The following SLC36A1 variants were observed in gnomAD, a reference collection of about 807,000 sequenced individuals.
SLC36A1 encodes the protein solute carrier family 36 member 1, also known as proton-coupled amino acid transporter 1.
Under a neutral mutation model 47.5 loss-of-function variants are expected in SLC36A1, and 30 were observed. The ratio of observed to expected loss-of-function variants is 0.63; its 90% CI spans 0.47 to 0.86. The LOEUF is 0.86. SLC36A1 is among the 40% of genes least tolerant of loss of function. The pLI, the probability that SLC36A1 is intolerant of heterozygous loss-of-function variation, is 0.00. For synonymous variants in SLC36A1, 255 were observed against 249.7 expected (o/e 1.02, Z -0.20); for missense variants, 517 against 606.0 (o/e 0.85, Z 1.54).
At chr5:151,361,046 G>C in the SLC36A1 span, among the ~76,000 whole-genome samples, 1 of 152,166 alleles carries the variant, frequency 6.6e-6, no homozygotes, top group Non-Finnish European at 1.5e-5. Context: ...GTAATGTTAT[G>C]TACAACATCT....
At chr5:151,387,229 C>T in the SLC36A1 span, 18 of 152,378 alleles carry the variant, frequency 1.2e-4, no homozygotes, top group African/African-American at 4.3e-4. Context: ...CAGACTGGTA[C>T]AACCTGTGCA....
chr5:151,522,270 A>G, the SLC36A1 span: 1 of 555,038 alleles, frequency 1.8e-6, no homozygotes, highest in South Asian at 2.8e-5. Context: ...GAAAAGAAAG[A>G]TTTTCTGAAG....
At chr5:151,427,273 A>G in the SLC36A1 span, among the ~76,000 whole-genome samples, 1 of 152,208 alleles carries the variant, frequency 6.6e-6, no homozygotes, top group Non-Finnish European at 1.5e-5. Context: ...TTATATATAC[A>G]TGAGGGCTTG....
the SLC36A1 span, among the ~76,000 whole-genome samples, chr5:151,414,292 T>C: frequency 7.2e-6 from 1 of 139,166 alleles, no homozygotes; most frequent in Non-Finnish European, 1.5e-5. Context: ...GGGAGCATGT[T>C]ACCTATAGGA....
intron 10 of SLC36A1, chr5:151,479,761 A>G (rs376806269): frequency 3.8e-6 from 2 of 532,898 alleles, no homozygotes; most frequent in South Asian, 3.1e-5. Context: ...ATTCAGAGTA[A>G]AGACATGCGA....
the SLC36A1 span, chr5:151,543,579 T>C: frequency 4.3e-6 from 7 of 1,614,114 alleles, no homozygotes; most frequent in Admixed American, 1.7e-5. Context: ...TAGTATAATC[T>C]ATAGTGCCAT....
chr5:151,385,551 T>TA, the SLC36A1 span, among the ~76,000 whole-genome samples: 1 of 152,162 alleles, frequency 6.6e-6, no homozygotes, highest in Non-Finnish European at 1.5e-5. Context: ...CTGGTAGTAA[T>TA]AGTGGCCAGG....
the SLC36A1 span, among the ~76,000 whole-genome samples, chr5:151,356,920 A>G: frequency 6.6e-6 from 1 of 152,196 alleles, no homozygotes. Context: ...GATAGGGTCA[A>G]GGGAATGAAG....
At chr5:151,464,458 A>C (rs556883479) in intron 3 of SLC36A1, 56 bp from the exon 4 acceptor site, 84 of 1,471,150 alleles carry the variant, frequency 5.7e-5, no homozygotes, top group Admixed American at 4.2e-4. Flanking sequence ...CATTGGGTTC[A>C]CTCCTAATTC....
the SLC36A1 span, chr5:151,509,880 T>C: frequency 2.1e-6 from 2 of 959,024 alleles, no homozygotes; most frequent in Non-Finnish European, 3.1e-6. Context: ...TGGGGACCAC[T>C]GCCCTAACAG....
At chr5:151,475,298 G>A (rs2127521795) in intron 8 of SLC36A1, among the ~76,000 whole-genome samples, 1 of 152,320 alleles carries the variant, frequency 6.6e-6, no homozygotes, top group East Asian at 1.9e-4. Flanking sequence ...TAAATTTTTA[G>A]TAGCTTTCCC....
chr5:151,473,570 TG>T (rs1757620334), intron 7 of SLC36A1, 102 bp from the exon 8 acceptor site: 1 of 714,568 alleles, frequency 1.4e-6, no homozygotes, highest in African/African-American at 1.8e-5. Context: ...TAGAGAATCT[TG>T]GATTTGTTAA....
Position 151,476,660 on chromosome 5 carries a change from T to C in SLC36A1, c.893T>C (p.Ile298Thr), listed in dbSNP as rs1758095839. ...FPLILYLGMV[I>T]VTILYISLGC... ...CTCATCCTGTACCTGGGCATGGTCA[T>C]CGTCACCATCCTCTACATCAGCCTG... The change falls in exon 9 of 11, where the codon ATC becomes ACC. Residue 298 changes from isoleucine (I) to threonine (T), a missense_variant. Coordinates refer to ENST00000243389, the MANE Select transcript of SLC36A1 (RefSeq NM_078483.4). The C allele has an allele frequency of 6.2e-7, 1 of 1,613,412 alleles. No individual in the cohort carries two copies. Among genetic ancestry groups the C allele is most frequent in the East Asian group, 2.2e-5 (1 of 44,874 alleles).
At chr5:151,405,169 A>G in the SLC36A1 span, among the ~76,000 whole-genome samples, 1 of 152,078 alleles carries the variant, frequency 6.6e-6, no homozygotes, top group Non-Finnish European at 1.5e-5. Context: ...AGCTTGGTCT[A>G]GTTTGTTATT....
chr5:151,549,277 C>G, the SLC36A1 span: 1 of 1,610,632 alleles, frequency 6.2e-7, no homozygotes, highest in Non-Finnish European at 8.5e-7. Context: ...CCTCTGAGCT[C>G]ATGGCCAGGC....
At chr5:151,520,780 CTT>C in the SLC36A1 span, among the ~76,000 whole-genome samples, 3 of 152,188 alleles carry the variant, frequency 2.0e-5, no homozygotes, top group East Asian at 1.9e-4. Context: ...GAGTCTAAGC[CTT>C]GAGCTTATAA....
chr5:151,455,194 A>G (rs902796554), intron 1 of SLC36A1, among the ~76,000 whole-genome samples: 12 of 152,140 alleles, frequency 7.9e-5, no homozygotes, highest in Non-Finnish European at 1.8e-4. Flanking sequence ...AGGTCCACTT[A>G]CTAGCATGTG....
chr5:151,549,812 ACATGT>A, the SLC36A1 span, among the ~76,000 whole-genome samples: 7 of 152,228 alleles, frequency 4.6e-5, no homozygotes, highest in Non-Finnish European at 7.3e-5. Context: ...CAAGATGTTA[ACATGT>A]CATGCAGGAA....
At chr5:151,444,738 G>A (rs145770777), upstream of SLC36A1, among the ~76,000 whole-genome samples, 2 of 152,244 alleles carry the variant, frequency 1.3e-5, no homozygotes, top group African/African-American at 4.8e-5. Context: ...CACTGCCCTG[G>A]CCTCCCAAAG....
Sources: gnomAD v4.1 joint callset for allele counts (sites outside exome capture counted in the v4.1 genomes callset) on GRCh38, gnomAD v4.1.1 for gene constraint, MANE v1.5 for transcripts, NCBI Gene and HGNC (gene_info 2026-07-23, HGNC 2026-07-21) for gene names.